PRKAG2: variants seen among roughly 807,000 people sequenced by gnomAD.
PRKAG2 encodes 5'-AMP-activated protein kinase subunit gamma-2.
In PRKAG2, 26 loss-of-function variants were observed where a neutral mutation model predicts 69.6. The observed-to-expected ratio is 0.37, with a 90% CI of 0.27 to 0.52. The LOEUF (loss-of-function observed/expected upper bound fraction) is 0.52, where lower values mean the gene tolerates loss of function less well. Among genes scored for constraint, PRKAG2 ranks in the 20% least tolerant of loss-of-function variants. PRKAG2 has a pLI of 0.90. For missense variants in PRKAG2, 557 were observed against 740.0 expected, an observed-to-expected ratio of 0.75 and a Z score of 2.87; for synonymous variants, 293 against 285.0, an observed-to-expected ratio of 1.03 and a Z score of -0.28.
chr7:151,751,038 AT>A (rs2074636310), intron 3 of PRKAG2, among the ~76,000 whole-genome samples: 1 of 149,930 alleles, frequency 6.7e-6, no homozygotes, highest in Non-Finnish European at 1.5e-5. Flanking sequence ...TCTAATGGCT[AT>A]TTTCATGTCT....
At chr7:151,579,770 G>C (rs1809896436) in intron 6 of PRKAG2, among the ~76,000 whole-genome samples, 3 of 152,120 alleles carry the variant, frequency 2.0e-5, no homozygotes, top group Admixed American at 6.6e-5. Context: ...TCATAGACAA[G>C]ATGCTAAAAA....
intron 1 of PRKAG2, among the ~76,000 whole-genome samples, chr7:151,846,625 T>C (rs1174070395): frequency 6.6e-6 from 1 of 152,178 alleles, no homozygotes; most frequent in African/African-American, 2.4e-5. Flanking sequence ...GGAGGTGGTA[T>C]ATGAGACCCT....
In PRKAG2 at chr7:151,876,787, G is replaced by C. The variant is rs560935782; in HGVS notation, c.-167C>G. The C allele has an allele frequency of 1.4e-6, 1 of 693,134 alleles. No homozygotes were observed. The highest frequency in any genetic ancestry group is 2.4e-5 in the Admixed American group (1 of 41,370). 42.9% of individuals were successfully genotyped at this position (693,134 alleles called of 1,614,324 possible). ...GGGTGAGCAGGGAACTCGCGCGGCC[G>C]CCGCCGCCGCCGAAGCGCCGAATTC... On this transcript the variant is annotated 5_prime_UTR_variant, in exon 1 of 16. Transcript: ENST00000287878.
intron 4 of PRKAG2, among the ~76,000 whole-genome samples, chr7:151,634,158 G>A (rs58212083): frequency 0.14 from 21,748 of 152,094 alleles, 1,906 homozygotes; most frequent in African/African-American, 0.23. Context: ...GCAGAAGAAT[G>A]GATATAATAA....
chr7:151,793,329 T>C (rs2077352392), intron 1 of PRKAG2, among the ~76,000 whole-genome samples: 1 of 152,174 alleles, frequency 6.6e-6, no homozygotes, highest in Non-Finnish European at 1.5e-5. Context: ...GCTATCTAGG[T>C]GAGACGGCCA....
chr7:151,759,028 C>T (rs1004622683), intron 3 of PRKAG2, among the ~76,000 whole-genome samples: 3 of 152,238 alleles, frequency 2.0e-5, no homozygotes, highest in Non-Finnish European at 4.4e-5. Flanking sequence ...GCATTGCATC[C>T]GATCGACATC....
chr7:151,585,388 A>G lies in PRKAG2; in HGVS notation c.865-8936T>C, dbSNP rs147029760. Among the ~76,000 whole-genome samples, 85 of 152,226 alleles carry G rather than the reference A, an allele frequency of 5.6e-4. 1 individual carries two copies. The East Asian group carries it at 0.013, about 24-fold the overall frequency. On this transcript the variant is annotated intron_variant, in intron 6 of 15. Coordinates refer to ENST00000287878, the MANE Select transcript of PRKAG2 (RefSeq NM_016203.4). Reference sequence around the variant, plus strand: ...CAAGAGTAAGGCACAGGAGCAAGAGACTATGTCTTTATTGTCAGTTTTTTT... The same window carrying G: ...CAAGAGTAAGGCACAGGAGCAAGAGGCTATGTCTTTATTGTCAGTTTTTTT...
intron 1 of PRKAG2, among the ~76,000 whole-genome samples, chr7:151,867,112 G>A (rs2080098884): frequency 6.6e-6 from 1 of 152,200 alleles, no homozygotes; most frequent in East Asian, 1.9e-4. Flanking sequence ...GTGGGCAGTG[G>A]GACGCTGGGA....
intron 3 of PRKAG2, among the ~76,000 whole-genome samples, chr7:151,742,867 A>C (rs546698769): frequency 1.3e-5 from 2 of 152,250 alleles, no homozygotes; most frequent in East Asian, 3.9e-4. Context: ...ACATGCCTGA[A>C]ATTCCTTACA....
At chr7:151,577,313 A>G (rs187336978) in intron 6 of PRKAG2, among the ~76,000 whole-genome samples, 6 of 152,332 alleles carry the variant, frequency 3.9e-5, no homozygotes, top group Admixed American at 3.9e-4. Context: ...CATAACAAAT[A>G]TCTTTTGGGA....
Position 151,632,553 on chromosome 7 carries a change from C to G in PRKAG2, c.685-415G>C, listed in dbSNP as rs977037995. Reference sequence around the variant, plus strand: ...AGGCCCGCGGCCCGCCCCCACTCCGCCCCCCGGCGCCGCTCACCTTCCCAG... The same window carrying G: ...AGGCCCGCGGCCCGCCCCCACTCCGGCCCCCGGCGCCGCTCACCTTCCCAG... On this transcript the variant is annotated intron_variant, in intron 4 of 15. Transcript: ENST00000287878. The surrounding 1 kb of genome is among the most constrained non-coding windows in gnomAD (Gnocchi z 4.2). The G allele has an allele frequency of 1.0e-6, 1 of 982,578 alleles. No homozygotes were observed. The highest frequency in any genetic ancestry group is 1.1e-4 in the East Asian group (1 of 8,756). The allele number at this position is 982,578 out of a possible 1,614,324, so 60.9% of individuals were successfully genotyped here. A position where few individuals can be genotyped will look rare whatever the true frequency, so the allele number is the denominator to read the frequency against.
At position 151,788,882 on chromosome 7, in the gene PRKAG2, C is replaced by T. The variant is rs901373129; in HGVS notation, c.115-2341G>A. 6.6e-6 allele frequency among the ~76,000 whole-genome samples: 1 copy of T among 152,144 alleles called. No individual in the cohort carries two copies. The highest frequency in any genetic ancestry group is 2.4e-5 in the African/African-American group (1 of 41,414). Reference sequence around the variant, plus strand: ...TTTACATGTAGATAGCCAGTTTTCCCAGCACTATTTGTTGAAAAGATGGTC... The same window carrying T: ...TTTACATGTAGATAGCCAGTTTTCCTAGCACTATTTGTTGAAAAGATGGTC... On this transcript the variant is annotated intron_variant, in intron 1 of 15. Coordinates refer to ENST00000287878, the MANE Select transcript of PRKAG2 (RefSeq NM_016203.4). The surrounding 1 kb of genome is among the most constrained non-coding windows in gnomAD (Gnocchi z 4.6).
intron 14 of PRKAG2, among the ~76,000 whole-genome samples, chr7:151,561,357 T>C (rs909426435): frequency 6.6e-6 from 1 of 152,244 alleles, no homozygotes; most frequent in African/African-American, 2.4e-5. Flanking sequence ...GGTACTTGTC[T>C]TATTAATACA....
At chr7:151,709,139 G>A (rs1385980033) in intron 3 of PRKAG2, among the ~76,000 whole-genome samples, 2 of 152,112 alleles carry the variant, frequency 1.3e-5, no homozygotes, top group African/African-American at 4.8e-5. Flanking sequence ...TTGTGACAAT[G>A]AACAATGTGT....
intron 4 of PRKAG2, among the ~76,000 whole-genome samples, chr7:151,646,067 C>T (rs1827508093): frequency 6.6e-6 from 1 of 152,160 alleles, no homozygotes; most frequent in Non-Finnish European, 1.5e-5. Flanking sequence ...TATATCTATA[C>T]TTTCATCATG....
In PRKAG2 at chr7:151,807,199, T is replaced by TGTCA. The variant is rs907323491; in HGVS notation, c.115-20662_115-20659dup. Among the ~76,000 whole-genome samples, 15 of 152,266 alleles carry TGTCA rather than the reference T, an allele frequency of 9.9e-5. No individual in the cohort carries two copies. Among genetic ancestry groups the TGTCA allele is most frequent in the African/African-American group, 3.6e-4 (15 of 41,542 alleles). On this transcript the variant is annotated intron_variant, in intron 1 of 15. Transcript: ENST00000287878. The surrounding 1 kb of genome is among the most constrained non-coding windows in gnomAD (Gnocchi z 4.4). ...TACGACAACCCATCTAATTGTATACTGTCAGTCAAAGGGCATTATATGTAA... is the reference window on the plus strand; with the variant it reads ...TACGACAACCCATCTAATTGTATACTGTCAGTCAGTCAAAGGGCATTATATGTAA...
intron 1 of PRKAG2, among the ~76,000 whole-genome samples, chr7:151,863,605 T>C (rs1463213177): frequency 6.6e-6 from 1 of 152,124 alleles, no homozygotes; most frequent in Admixed American, 6.5e-5. Context: ...GGGCAGACCA[T>C]CATTTAACAA....
intron 4 of PRKAG2, among the ~76,000 whole-genome samples, chr7:151,664,499 T>C (rs780683459): frequency 6.6e-6 from 1 of 152,150 alleles, no homozygotes; most frequent in East Asian, 1.9e-4. Context: ...CACACCAAGC[T>C]TCTTGATAAA....
rs561361840 is a variant in PRKAG2 at position 151,621,816 on chromosome 7, C to T, written c.754+10253G>A. 8.5e-5 allele frequency among the ~76,000 whole-genome samples: 13 copies of T among 152,282 alleles called. 1 individual carries two copies. The South Asian group carries it at 2.7e-3, about 32-fold the overall frequency. On this transcript the variant is annotated intron_variant, in intron 5 of 15. Transcript: ENST00000287878. The stretch of plus-strand genomic sequence containing the variant: ...TCTTGAACTGCTGGGCTCAAGGGAT[C>T]CTCCCACTTCAGTCTCCCGAAGTGC...
Sources: gnomAD v4.1 joint callset for allele counts (sites outside exome capture counted in the v4.1 genomes callset) on GRCh38, gnomAD v4.1.1 for gene constraint, Gnocchi (gnomAD v3.1) non-coding constraint, MANE v1.5 for transcripts, NCBI Gene and HGNC (gene_info 2026-07-23, HGNC 2026-07-21) for gene names.